The following RYR2 variants were observed in gnomAD, a reference collection of about 807,000 sequenced individuals.
RYR2 encodes the protein ryanodine receptor 2.
In RYR2, 227 loss-of-function variants were observed where a neutral mutation model predicts 601.1. The observed-to-expected ratio is 0.38, with a 90% confidence interval of 0.34 to 0.42. The LOEUF is 0.42. RYR2 is among the 10% of genes least tolerant of loss of function. RYR2 has a pLI of 1.00. For missense variants in RYR2, 4,646 were observed against 6,156.5 expected (o/e 0.75, Z 8.21); for synonymous variants, 2,223 against 2,175.1 (o/e 1.02, Z -0.61).
chr1:237,472,150 C>A (rs192578345), intron 17 of RYR2, among the ~76,000 whole-genome samples: 64 of 152,226 alleles, frequency 4.2e-4, no homozygotes, highest in African/African-American at 1.4e-3. Context: ...TTTTTAGAGG[C>A]AGTAACAATG....
intron 1 of RYR2, among the ~76,000 whole-genome samples, chr1:237,241,567 G>C (rs75959277): frequency 6.6e-6 from 1 of 152,180 alleles, no homozygotes; most frequent in Non-Finnish European, 1.5e-5. Flanking sequence ...GAGGATAACA[G>C]AGTAAAGAGA....
intron 24 of RYR2, among the ~76,000 whole-genome samples, chr1:237,512,679 C>T (rs890496431): frequency 2.0e-5 from 3 of 152,166 alleles, no homozygotes; most frequent in Non-Finnish European, 2.9e-5. Context: ...TTGAGACCAT[C>T]CTGGGCTACA....
chr1:237,703,843 C>A (rs930400928), intron 66 of RYR2, among the ~76,000 whole-genome samples: 7 of 151,728 alleles, frequency 4.6e-5, no homozygotes, highest in South Asian at 4.1e-4. Flanking sequence ...TTATATTTAA[C>A]TTTATAATCC....
At chr1:237,796,628 A>T (rs981271938) in intron 96 of RYR2, among the ~76,000 whole-genome samples, 4 of 151,962 alleles carry the variant, frequency 2.6e-5, no homozygotes, top group African/African-American at 7.3e-5. Context: ...CATTCACTTC[A>T]ATCTTGTTCA....
intron 6 of RYR2, 137 bp from the exon 7 acceptor site, chr1:237,374,580 C>T: frequency 1.5e-6 from 1 of 682,514 alleles, no homozygotes; most frequent in Non-Finnish European, 2.7e-6. Context: ...ACTGCTTGAG[C>T]CCAGGAGGTT....
chr1:237,403,293 C>A (rs1371215954), intron 10 of RYR2, among the ~76,000 whole-genome samples: 2 of 152,202 alleles, frequency 1.3e-5, no homozygotes, highest in South Asian at 2.1e-4. Context: ...AGATATAGTA[C>A]CTTTAAAGGG....
At chr1:237,561,422 G>C (rs1481858746) in intron 27 of RYR2, among the ~76,000 whole-genome samples, 1 of 152,184 alleles carries the variant, frequency 6.6e-6, no homozygotes, top group Non-Finnish European at 1.5e-5. Flanking sequence ...TTCAGAGTTA[G>C]ATGTTGAAAG....
At chr1:237,240,050 C>T (rs1484042921) in intron 1 of RYR2, among the ~76,000 whole-genome samples, 1 of 152,184 alleles carries the variant, frequency 6.6e-6, no homozygotes, top group African/African-American at 2.4e-5. Context: ...TGCTTAAGCA[C>T]AAGAGACACA....
intron 1 of RYR2, among the ~76,000 whole-genome samples, chr1:237,248,522 A>G (rs566723460): frequency 2.9e-4 from 44 of 152,048 alleles, no homozygotes; most frequent in African/African-American, 1.0e-3. Flanking sequence ...TATGAAATTT[A>G]GTTTTTGCTT....
rs572934844 is a variant in RYR2 at position 237,330,953 on chromosome 1, C to T, written c.244C>T (p.Leu82=). ...SLSVRALQEM[L]ANTVEKSEGQ... is the part of the protein sequence containing the mutation. ...CTCTGTCCGGGCGCTGCAGGAGATG[C>T]TGGCTAACACCGTGGAGAAATCAGA... Residue 82 remains leucine, a synonymous_variant, in exon 3 of 105, where the codon CTG becomes TTG. Transcript: ENST00000366574. The T allele has an allele frequency of 5.0e-6, 8 of 1,613,988 alleles. No individual in the cohort carries two copies. In the South Asian group the frequency reaches 6.6e-5, roughly 13 times the overall value.
At chr1:237,396,519 A>T (rs772646492) in intron 10 of RYR2, among the ~76,000 whole-genome samples, 1 of 152,004 alleles carries the variant, frequency 6.6e-6, no homozygotes, top group African/African-American at 2.4e-5. Context: ...TTCTCCCACT[A>T]TTTTCTCTTA....
intron 25 of RYR2, among the ~76,000 whole-genome samples, chr1:237,535,837 T>C (rs1403843840): frequency 6.6e-6 from 1 of 152,234 alleles, no homozygotes; most frequent in African/African-American, 2.4e-5. Flanking sequence ...AAAATTCATA[T>C]GATCATCCCA....
At chr1:237,746,224 A>G (rs1692063487) in intron 80 of RYR2, among the ~76,000 whole-genome samples, 1 of 152,192 alleles carries the variant, frequency 6.6e-6, no homozygotes, top group Admixed American at 6.5e-5. Context: ...CATAAGTTAC[A>G]AATATGAAAG....
intron 58 of RYR2, among the ~76,000 whole-genome samples, chr1:237,673,239 ATACCATGC>A: frequency 6.6e-6 from 1 of 152,306 alleles, no homozygotes; most frequent in South Asian, 2.1e-4. Context: ...GATGTGAGGC[ATACCATGC>A]TATTCGGTTT....
intron 5 of RYR2, among the ~76,000 whole-genome samples, chr1:237,364,792 ATG>A (rs1700063978): frequency 6.6e-6 from 1 of 152,166 alleles, no homozygotes; most frequent in African/African-American, 2.4e-5. Flanking sequence ...TCTGGGGATT[ATG>A]TTGACTTTGC....
At chr1:237,187,827 G>T (rs1679539690) in intron 1 of RYR2, among the ~76,000 whole-genome samples, 1 of 152,150 alleles carries the variant, frequency 6.6e-6, no homozygotes, top group Non-Finnish European at 1.5e-5. Context: ...GAGATTATTT[G>T]AGATTATTTT....
intron 99 of RYR2, among the ~76,000 whole-genome samples, chr1:237,807,698 G>C (rs957961994): frequency 2.0e-5 from 3 of 152,058 alleles, no homozygotes; most frequent in Admixed American, 6.6e-5. Flanking sequence ...AGTCCTAACA[G>C]GTGAAACATG....
intron 63 of RYR2, among the ~76,000 whole-genome samples, chr1:237,696,623 GC>G (rs1273023080): frequency 6.7e-6 from 1 of 148,280 alleles, no homozygotes; most frequent in Non-Finnish European, 1.5e-5. Context: ...TATGTGCAAA[GC>G]AAGGGTCAGG....
chr1:237,293,821 CT>C (rs974697842), intron 2 of RYR2, among the ~76,000 whole-genome samples: 10 of 152,102 alleles, frequency 6.6e-5, no homozygotes, highest in Non-Finnish European at 1.3e-4. Flanking sequence ...TGACTCTTAT[CT>C]TTTTGGGTTT....
Sources: gnomAD v4.1 joint callset for allele counts (sites outside exome capture counted in the v4.1 genomes callset) on GRCh38, gnomAD v4.1.1 for gene constraint, MANE v1.5 for transcripts, NCBI Gene and HGNC (gene_info 2026-07-23, HGNC 2026-07-21) for gene names.